The following CACNA1C variants were observed in gnomAD, a reference collection of about 807,000 sequenced individuals.
The protein encoded by CACNA1C is calcium voltage-gated channel subunit alpha1 C.
Under a neutral mutation model 229.0 loss-of-function variants are expected in CACNA1C, and 30 were observed. The ratio of observed to expected loss-of-function variants is 0.13; its 90% CI spans 0.10 to 0.18. CACNA1C has a LOEUF of 0.18. Ranked by LOEUF, CACNA1C falls within the 10% of genes least tolerant of loss-of-function variation. The pLI, the probability that CACNA1C is intolerant of heterozygous loss-of-function variation, is 1.00. For synonymous variants in CACNA1C, 1,114 were observed against 1,132.5 expected (o/e 0.98, Z 0.33); for missense variants, 1,658 against 2,845.0 (o/e 0.58, Z 9.49).
At chr12:2,600,890 A>C (rs68075360) in intron 21 of CACNA1C, among the ~76,000 whole-genome samples, 6,671 of 152,282 alleles carry the variant, frequency 0.044, 229 homozygotes, top group East Asian at 0.19. Context: ...GCAGGGTGGC[A>C]TCCTAAGTAT....
chr12:2,186,958 C>T (rs1283694852), intron 3 of CACNA1C, among the ~76,000 whole-genome samples: 1 of 151,698 alleles, frequency 6.6e-6, no homozygotes, highest in African/African-American at 2.4e-5. Context: ...TGTGAGGTCC[C>T]CTTTCCCCAC....
In CACNA1C at chr12:2,029,520, C is replaced by T. The variant is rs1232924548; in HGVS notation, c.139+58319C>T. 6.6e-6 allele frequency among the ~76,000 whole-genome samples: 1 copy of T among 152,250 alleles called. No homozygotes were observed. Among genetic ancestry groups the T allele is most frequent in the Non-Finnish European group, 1.5e-5 (1 of 68,046 alleles). On this transcript the variant is annotated intron_variant, in intron 1 of 46. Coordinates refer to the CACNA1C transcript ENST00000682462. This position sits in a 1 kb window ranked among gnomAD's most constrained non-coding sequence, Gnocchi z 4.9. Reference sequence around the variant, plus strand: ...TATTTTTCACAGAAATGGAATCATGCACTAGGTGAACTTTAGTGTCTGGCT... The same window carrying T: ...TATTTTTCACAGAAATGGAATCATGTACTAGGTGAACTTTAGTGTCTGGCT...
intron 3 of CACNA1C, among the ~76,000 whole-genome samples, chr12:2,180,729 G>A (rs1367879380): frequency 6.6e-6 from 1 of 152,200 alleles, no homozygotes; most frequent in Non-Finnish European, 1.5e-5. Flanking sequence ...CCCAGAATCA[G>A]CTGGGGACCT....
chr12:1,997,687 CCAGT>C (rs1221818239), intron 1 of CACNA1C, among the ~76,000 whole-genome samples: 6 of 152,054 alleles, frequency 3.9e-5, no homozygotes, highest in Admixed American at 6.5e-5. Context: ...TAAACAGTGC[CCAGT>C]CAATGATTTA....
intron 3 of CACNA1C, among the ~76,000 whole-genome samples, chr12:2,274,142 C>T (rs960798842): frequency 3.3e-5 from 5 of 152,188 alleles, no homozygotes; most frequent in African/African-American, 7.2e-5. Context: ...ACGGCCTCCT[C>T]GTTTATGGCA....
rs1392373955 is a variant in CACNA1C, at chr12:2,067,236, G to A, written c.49+13625G>A. Among the ~76,000 whole-genome samples the A allele has an allele frequency of 7.2e-5, 11 of 152,108 alleles. No individual in the cohort carries two copies. The highest frequency in any genetic ancestry group is 5.9e-4 in the Admixed American group (9 of 15,290). On this transcript the variant is annotated intron_variant, in intron 1 of 46. Transcript: ENST00000399655. This position sits in a 1 kb window ranked among gnomAD's most constrained non-coding sequence, Gnocchi z 5.3. ...AGGAGCCAGGATGCATCGTTTTAGT[G>A]GGAGTCAGGGAGTCTGAATCCCCCA...
Position 2,034,329 on chromosome 12 carries a change from C to T in CACNA1C, c.139+63128C>T, listed in dbSNP as rs1353388408. 2.0e-5 allele frequency among the ~76,000 whole-genome samples: 3 copies of T among 152,142 alleles called. No individual in the cohort carries two copies. The highest frequency in any genetic ancestry group is 2.1e-4 in the South Asian group (1 of 4,832). On this transcript the variant is annotated intron_variant, in intron 1 of 46. Transcript: ENST00000682462. This position sits in a 1 kb window ranked among gnomAD's most constrained non-coding sequence, Gnocchi z 4.1. Reference sequence around the variant, plus strand: ...TGTGTGGAAGGGAGTACACTTTCTCCGTGAGATGCCAGATAACTGAAAGAG... The same window carrying T: ...TGTGTGGAAGGGAGTACACTTTCTCTGTGAGATGCCAGATAACTGAAAGAG...
intron 3 of CACNA1C, among the ~76,000 whole-genome samples, chr12:2,389,973 A>G (rs1226703582): frequency 1.3e-5 from 2 of 152,180 alleles, no homozygotes; most frequent in African/African-American, 4.8e-5. Context: ...AGGCTGAGGA[A>G]ATTAAAGTAG....
At chr12:2,681,646 G>A (rs1430502675) in intron 42 of CACNA1C, among the ~76,000 whole-genome samples, 1 of 152,140 alleles carries the variant, frequency 6.6e-6, no homozygotes. Context: ...TCCTCCTGGA[G>A]CTCCCACCTC....
At position 2,605,849 on chromosome 12, in the gene CACNA1C, G is replaced by A. The variant is rs1000662626; in HGVS notation, c.3156+63G>A. 9.7e-6 allele frequency: 11 copies of A among 1,128,300 alleles called. No individual in the cohort carries two copies. In the African/African-American group the frequency reaches 1.7e-4, roughly 17 times the overall value. 69.9% of individuals were successfully genotyped at this position (1,128,300 alleles called of 1,614,324 possible). On this transcript the variant is annotated intron_variant, in intron 24 of 46. Coordinates refer to ENST00000399655, the MANE Select transcript of CACNA1C (RefSeq NM_000719.7). This position sits in a 1 kb window ranked among gnomAD's most constrained non-coding sequence, Gnocchi z 6.2. ...CTCCCATCAGCATTCCTGGGGAAGG[G>A]AACTGGCAGATATAGTACAAACGAG...
chr12:2,353,791 T>G (rs1466511832), intron 3 of CACNA1C, among the ~76,000 whole-genome samples: 1 of 152,088 alleles, frequency 6.6e-6, no homozygotes, highest in Non-Finnish European at 1.5e-5. Flanking sequence ...AGAGCCTGTT[T>G]GTGGGATTCT....
At chr12:2,551,094 C>T (rs2099900848) in intron 10 of CACNA1C, among the ~76,000 whole-genome samples, 1 of 152,182 alleles carries the variant, frequency 6.6e-6, no homozygotes, top group Admixed American at 6.5e-5. Context: ...AAGTAGGTCC[C>T]AAACAGCAAC....
rs1444831787 is a variant in CACNA1C at position 2,646,541 on chromosome 12, C to T, written c.3913-1934C>T. The T allele has an allele frequency of 1.3e-5, 2 of 152,126 alleles. No homozygotes were observed. Among genetic ancestry groups the T allele is most frequent in the African/African-American group, 2.4e-5 (1 of 41,398 alleles). 9.4% of individuals were successfully genotyped at this position (152,126 alleles called of 1,614,324 possible). On this transcript the variant is annotated intron_variant, in intron 30 of 46. Transcript: ENST00000399655. This position sits in a 1 kb window ranked among gnomAD's most constrained non-coding sequence, Gnocchi z 4.6. Reference sequence around the variant, plus strand: ...TCAGGAGTTAACATGGTGTAGGTTACCTCCCTCTGGACCTCCCTCCCTGCC... The same window carrying T: ...TCAGGAGTTAACATGGTGTAGGTTATCTCCCTCTGGACCTCCCTCCCTGCC...
At chr12:2,299,682 CAGA>C (rs1186372653) in intron 3 of CACNA1C, among the ~76,000 whole-genome samples, 1 of 151,952 alleles carries the variant, frequency 6.6e-6, no homozygotes, top group Non-Finnish European at 1.5e-5. Flanking sequence ...TGAAGCTTCC[CAGA>C]AGATGCTTTT....
At chr12:2,212,842 G>C (rs1488339540) in intron 3 of CACNA1C, among the ~76,000 whole-genome samples, 1 of 152,142 alleles carries the variant, frequency 6.6e-6, no homozygotes, top group Non-Finnish European at 1.5e-5. Context: ...GATGGACAAA[G>C]GAAGCACAGA....
In CACNA1C at chr12:2,438,496, C is replaced by T. The variant is rs563573757; in HGVS notation, c.478-10480C>T. Reference sequence around the variant, plus strand: ...GAGCAGGGTGGCCACTGAGCTGCATCGTGGAGGAGTAGGAGTTCTTGGAAG... The same window carrying T: ...GAGCAGGGTGGCCACTGAGCTGCATTGTGGAGGAGTAGGAGTTCTTGGAAG... On this transcript the variant is annotated intron_variant, in intron 3 of 46. Transcript: ENST00000399655. Among the ~76,000 whole-genome samples the T allele has an allele frequency of 3.5e-3, 532 of 151,796 alleles. 6 individuals are homozygous for T. The highest frequency in any genetic ancestry group is 9.7e-3 in the African/African-American group (400 of 41,342).
chr12:2,356,830 G>A (rs541395203), intron 3 of CACNA1C, among the ~76,000 whole-genome samples: 11 of 152,290 alleles, frequency 7.2e-5, no homozygotes, highest in Admixed American at 7.2e-4. Context: ...CCCTCCACCT[G>A]CATTCCCATT....
chr12:1,986,319 G>C (rs1048801907), intron 1 of CACNA1C, among the ~76,000 whole-genome samples: 1 of 152,152 alleles, frequency 6.6e-6, no homozygotes, highest in Non-Finnish European at 1.5e-5. Flanking sequence ...CCCTCCTCTA[G>C]AATTGCTCCC....
intron 3 of CACNA1C, among the ~76,000 whole-genome samples, chr12:2,244,228 C>T (rs750841974): frequency 6.6e-6 from 1 of 152,218 alleles, no homozygotes; most frequent in African/African-American, 2.4e-5. Context: ...TCATTAATTT[C>T]ATTGTGAAGG....
Sources: gnomAD v4.1 joint callset for allele counts (sites outside exome capture counted in the v4.1 genomes callset) on GRCh38, gnomAD v4.1.1 for gene constraint, Gnocchi (gnomAD v3.1) non-coding constraint, MANE v1.5 for transcripts, NCBI Gene and HGNC (gene_info 2026-07-23, HGNC 2026-07-21) for gene names.